Variants in TTC21B observed in about 807,000 individuals in gnomAD.
TTC21B encodes the protein tetratricopeptide repeat protein 21B.
A neutral mutation model predicts 175.1 loss-of-function variants in TTC21B; 127 were observed. The ratio of observed to expected loss-of-function variants is 0.73; its 90% CI spans 0.63 to 0.84. The LOEUF (loss-of-function observed/expected upper bound fraction) is 0.84. TTC21B is among the 40% of genes least tolerant of loss of function. The probability of loss-of-function intolerance (pLI) is 0.00; values close to 1 mark genes in which losing one functional copy is unlikely to be tolerated. For missense variants in TTC21B, 1,561 were observed against 1,558.3 expected (o/e 1.00, Z -0.03); for synonymous variants, 524 against 524.5 (o/e 1.00, Z 0.01).
chr2:165,877,551 T>C (rs1023858086), intron 27 of TTC21B, among the ~76,000 whole-genome samples: 3 of 152,208 alleles, frequency 2.0e-5, no homozygotes, highest in Non-Finnish European at 2.9e-5. Context: ...CTATACCAGA[T>C]AGCCCAGGTG....
intron 19 of TTC21B, among the ~76,000 whole-genome samples, chr2:165,905,750 A>G (rs910085448): frequency 6.6e-6 from 1 of 152,210 alleles, no homozygotes; most frequent in African/African-American, 2.4e-5. Flanking sequence ...AAGCAAACAA[A>G]TAACGACCAA....
rs541863426 is a variant in TTC21B at position 165,905,448 on chromosome 2, G to T, written c.2568+2230C>A. 6.6e-5 allele frequency among the ~76,000 whole-genome samples: 10 copies of T among 152,194 alleles called. 1 individual carries two copies. The South Asian group carries it at 2.1e-3, about 32-fold the overall frequency. On this transcript the variant is annotated intron_variant, in intron 19 of 28. Transcript: ENST00000243344. ...AGGACACGTAAAATTGAAAGTAAAA[G>T]AATGCAGGAGATATACCATGCAAGT... is the stretch of plus-strand genomic sequence containing the variant.
intron 6 of TTC21B, among the ~76,000 whole-genome samples, chr2:165,940,492 C>A (rs1265214990): frequency 6.6e-6 from 1 of 152,160 alleles, no homozygotes; most frequent in African/African-American, 2.4e-5. Flanking sequence ...CCTTCCCACT[C>A]CTCAAACATA....
At chr2:165,919,183 G>T in intron 13 of TTC21B, 93 bp downstream of exon 13, 1 of 1,479,478 alleles carries the variant, frequency 6.8e-7, no homozygotes, top group Non-Finnish European at 9.4e-7. Context: ...GCAACTGTTA[G>T]CAAAATACTA....
At chr2:165,933,464 G>A (rs905082669) in intron 6 of TTC21B, among the ~76,000 whole-genome samples, 4 of 152,070 alleles carry the variant, frequency 2.6e-5, no homozygotes, top group East Asian at 1.9e-4. Flanking sequence ...AGATTCCTAC[G>A]TGATAAAAAC....
rs1205327289 is a variant in TTC21B at position 165,927,314 on chromosome 2, T to TTATATAATATATATATAATATATAATATA, written c.1386+1792_1386+1820dup. ...AGTAGTTATATATATATATTATATA[T>TTATATAATATATATATAATATATAATATA]TATATAATATATATATAATATATAA... On this transcript the variant is annotated intron_variant, in intron 11 of 28. Transcript: ENST00000243344. 9.8e-4 allele frequency among the ~76,000 whole-genome samples: 50 copies of TTATATAATATATATATAATATATAATATA among 51,014 alleles called. 4 individuals are homozygous for TTATATAATATATATATAATATATAATATA. Among genetic ancestry groups the TTATATAATATATATATAATATATAATATA allele is most frequent in the Non-Finnish European group, 2.1e-3 (43 of 20,104 alleles). The allele number at this position is 51,014 out of a possible 152,430, so 33.5% of individuals were successfully genotyped here. A position where few individuals can be genotyped will look rare whatever the true frequency, so the allele number is the denominator to read the frequency against.
At chr2:165,879,622 A>G (rs1412869657) in intron 27 of TTC21B, 2 of 152,234 alleles carry the variant, frequency 1.3e-5, no homozygotes, top group Admixed American at 1.3e-4. Flanking sequence ...TAGCTTAATT[A>G]TACTTATAAG....
rs1559051592 is a variant in TTC21B, at chr2:165,907,703, C to T, written c.2543G>A (p.Gly848Asp). 1.9e-6 allele frequency: 3 copies of T among 1,612,526 alleles called. No homozygotes were observed. Among genetic ancestry groups the T allele is most frequent in the Non-Finnish European group, 2.5e-6 (3 of 1,179,304 alleles). ...CTGTTGTAATGCAGTGATCGCATCA[C>T]CAAGTTTTTCCATTTTACTATAAAC... ...AKVYSKMEKL[G>D]DAITALQQAR... The change falls in exon 19 of 29, where the codon GGT (glycine) becomes GAT (aspartate). Residue 848 changes from glycine (G) to aspartate (D), a missense_variant. Coordinates refer to ENST00000243344, the MANE Select transcript of TTC21B (RefSeq NM_024753.5).
chr2:165,892,621 A>C (rs1685234556), intron 22 of TTC21B, among the ~76,000 whole-genome samples: 1 of 152,224 alleles, frequency 6.6e-6, no homozygotes, highest in African/African-American at 2.4e-5. Context: ...CCAGACACAA[A>C]AGGAAAAATG....
chr2:165,945,638 T>A lies in TTC21B; in HGVS notation c.315A>T (p.Gly105=), dbSNP rs769601617. 2 of 1,613,776 alleles carry A rather than the reference T, an allele frequency of 1.2e-6. No homozygotes were observed. Among genetic ancestry groups the A allele is most frequent in the Non-Finnish European group, 8.5e-7 (1 of 1,179,928 alleles). The change falls in exon 4 of 29, where the codon GGA becomes GGT. Residue 105 remains glycine (G), a synonymous_variant. Transcript: ENST00000243344. ...SDARVKEQRK[G]AGEKALYHAG... is the part of the protein sequence containing the mutation. Reference sequence around the variant, plus strand: ...CATGGTATAAGGCTTTCTCTCCAGCTCCTTTACGTTGTTCCTTCACTCTGG... The same window carrying A: ...CATGGTATAAGGCTTTCTCTCCAGCACCTTTACGTTGTTCCTTCACTCTGG...
At chr2:165,887,799 T>C (rs1162428409) in intron 25 of TTC21B, among the ~76,000 whole-genome samples, 1 of 152,234 alleles carries the variant, frequency 6.6e-6, no homozygotes, top group African/African-American at 2.4e-5. Flanking sequence ...CAGGAGGTTA[T>C]TTCAGTGTTG....
intron 6 of TTC21B, among the ~76,000 whole-genome samples, chr2:165,934,961 A>C (rs909554559): frequency 6.6e-6 from 1 of 152,218 alleles, no homozygotes; most frequent in South Asian, 2.1e-4. Flanking sequence ...TGGCTAGCCA[A>C]CACTTCCTAG....
At chr2:165,888,125 A>AGGG (rs1172064748) in intron 25 of TTC21B, among the ~76,000 whole-genome samples, 154 bp downstream of exon 25, 1 of 152,232 alleles carries the variant, frequency 6.6e-6, no homozygotes, top group Admixed American at 6.5e-5. Context: ...TCCGCCAAGA[A>AGGG]GGGGACATTG....
At chr2:165,930,102 C>A in intron 9 of TTC21B, 70 bp downstream of exon 9, 1 of 1,447,726 alleles carries the variant, frequency 6.9e-7, no homozygotes, top group South Asian at 1.2e-5. Context: ...GTGTTCTTCT[C>A]TAATGGCAAG....
Position 165,902,033 on chromosome 2 carries a change from T to C in TTC21B, c.2569-123A>G, listed in dbSNP as rs1685587181. ...TATGAACCCTTGATCTAACAAAGTCTGATCCAAAGAAAATGTCTTATTGAG... is the reference window on the plus strand; with the variant it reads ...TATGAACCCTTGATCTAACAAAGTCCGATCCAAAGAAAATGTCTTATTGAG... On this transcript the variant is annotated intron_variant, in intron 19 of 28. Transcript: ENST00000243344. 9.4e-6 allele frequency: 8 copies of C among 854,224 alleles called. 1 individual carries two copies. In the South Asian group the frequency reaches 1.3e-4, roughly 14 times the overall value. The allele number at this position is 854,224 out of a possible 1,614,324, so 52.9% of individuals were successfully genotyped here. A position where few individuals can be genotyped will look rare whatever the true frequency, so the allele number is the denominator to read the frequency against.
intron 22 of TTC21B, among the ~76,000 whole-genome samples, chr2:165,892,474 G>A (rs1173308738): frequency 6.6e-6 from 1 of 152,148 alleles, no homozygotes; most frequent in Non-Finnish European, 1.5e-5. Context: ...TGTCCATTGT[G>A]TTTGAATAGA....
chr2:165,919,757 T>C (rs1212269699), intron 12 of TTC21B, among the ~76,000 whole-genome samples: 1 of 152,206 alleles, frequency 6.6e-6, no homozygotes, highest in Non-Finnish European at 1.5e-5. Flanking sequence ...AAGGTTTTAT[T>C]TATAATTTCA....
At chr2:165,930,093 T>C in intron 9 of TTC21B, 79 bp downstream of exon 9, 1 of 1,351,100 alleles carries the variant, frequency 7.4e-7, no homozygotes, top group Non-Finnish European at 1.1e-6. Flanking sequence ...AAAATCCATG[T>C]GTTCTTCTCT....
At position 165,915,383 on chromosome 2, in the gene TTC21B, T is replaced by C. The variant is rs1686129480; in HGVS notation, c.1956A>G (p.Glu652=). ...DAIHEFSGTS[E]EVRVTIANAD... The stretch of plus-strand genomic sequence containing the variant: ...CATTAGCAATGGTAACCCGCACTTC[T>C]TCAGATGTTCCAGAAAATTCATGGA... Residue 652 remains glutamate, a synonymous_variant, in exon 15 of 29, where the codon GAA becomes GAG. Coordinates refer to ENST00000243344, the MANE Select transcript of TTC21B (RefSeq NM_024753.5). 4 of 1,614,130 alleles carry C rather than the reference T, an allele frequency of 2.5e-6. No homozygotes were observed. Among genetic ancestry groups the C allele is most frequent in the Non-Finnish European group, 3.4e-6 (4 of 1,179,990 alleles).
Sources: gnomAD v4.1 joint callset for allele counts (sites outside exome capture counted in the v4.1 genomes callset) on GRCh38, gnomAD v4.1.1 for gene constraint, MANE v1.5 for transcripts, NCBI Gene and HGNC (gene_info 2026-07-23, HGNC 2026-07-21) for gene names.